PTPRK: variants seen among roughly 807,000 people sequenced by gnomAD.
The protein encoded by PTPRK is protein tyrosine phosphatase receptor type K, also known as receptor-type tyrosine-protein phosphatase kappa.
PTPRK carries 75 observed loss-of-function variants against 178.0 expected under a neutral mutation model. The observed-to-expected ratio is 0.42, with a 90% CI of 0.35 to 0.51. The LOEUF is 0.51. PTPRK is among the 20% of genes least tolerant of loss of function. The probability of loss-of-function intolerance (pLI) is 0.02; values close to 1 mark genes in which losing one functional copy is unlikely to be tolerated. For missense variants in PTPRK, 1,441 were observed against 1,797.8 expected, an observed-to-expected ratio of 0.80 and a Z score of 3.59; for synonymous variants, 637 against 620.6, an observed-to-expected ratio of 1.03 and a Z score of -0.39.
At chr6:128,468,507 C>T (rs530225896) in intron 1 of PTPRK, among the ~76,000 whole-genome samples, 1 of 152,124 alleles carries the variant, frequency 6.6e-6, no homozygotes, top group Non-Finnish European at 1.5e-5. Context: ...TTTGCCTCTA[C>T]TTGGACTTTT....
chr6:128,217,182 T>A (rs1809476967), intron 6 of PTPRK, among the ~76,000 whole-genome samples: 1 of 152,198 alleles, frequency 6.6e-6, no homozygotes, highest in South Asian at 2.1e-4. Flanking sequence ...CAAAGATGCA[T>A]GTGTGAACAT....
At chr6:128,348,812 A>G (rs1235095576) in intron 2 of PTPRK, among the ~76,000 whole-genome samples, 1 of 152,086 alleles carries the variant, frequency 6.6e-6, no homozygotes, top group Non-Finnish European at 1.5e-5. Context: ...TTGGAGGTGG[A>G]GTAAATCAAA....
At chr6:128,397,540 C>T in intron 2 of PTPRK, 26 bp downstream of exon 2, 2 of 1,612,910 alleles carry the variant, frequency 1.2e-6, no homozygotes, top group South Asian at 2.2e-5. Flanking sequence ...ATTCCCCCAA[C>T]ACTGACTAAA....
At chr6:128,412,508 A>G (rs1842418904) in intron 1 of PTPRK, among the ~76,000 whole-genome samples, 1 of 152,212 alleles carries the variant, frequency 6.6e-6, no homozygotes, top group Non-Finnish European at 1.5e-5. Context: ...TATGTACTGC[A>G]AGGGGAAGAG....
At position 128,200,728 on chromosome 6, in the gene PTPRK, A is replaced by G. The variant is rs552751777; in HGVS notation, c.869-16003T>C. ...CTGTCAAAAGTAAAATAAATAAATA[A>G]AAGTTTTCTAATGCTATTTTATCAA... On this transcript the variant is annotated intron_variant, in intron 6 of 29. Coordinates refer to ENST00000368226, the MANE Select transcript of PTPRK (RefSeq NM_002844.4). Among the ~76,000 whole-genome samples, 6 of 151,132 alleles carry G rather than the reference A, an allele frequency of 4.0e-5. No homozygotes were observed. The South Asian group carries it at 1.3e-3, about 32-fold the overall frequency.
At chr6:128,447,668 A>C (rs1441920920) in intron 1 of PTPRK, among the ~76,000 whole-genome samples, 1 of 150,010 alleles carries the variant, frequency 6.7e-6, no homozygotes, top group Non-Finnish European at 1.5e-5. Flanking sequence ...TCTGTCACCC[A>C]GGCTGGAGTG....
At chr6:128,325,308 C>A (rs1449680464) in intron 2 of PTPRK, among the ~76,000 whole-genome samples, 2 of 151,888 alleles carry the variant, frequency 1.3e-5, no homozygotes. Context: ...TGCAACAAAA[C>A]CCAAAATTGA....
chr6:128,104,414 G>T (rs1475977217), intron 7 of PTPRK, among the ~76,000 whole-genome samples: 1 of 152,134 alleles, frequency 6.6e-6, no homozygotes, highest in Non-Finnish European at 1.5e-5. Flanking sequence ...AGTAGAGACA[G>T]GGTTTCACTG....
At chr6:128,312,496 A>G (rs1827384142) in intron 3 of PTPRK, among the ~76,000 whole-genome samples, 2 of 152,044 alleles carry the variant, frequency 1.3e-5, no homozygotes, top group Admixed American at 1.3e-4. Context: ...CATTTTGGAG[A>G]TTGTTTTCTG....
chr6:128,363,745 A>C (rs1351602110), intron 2 of PTPRK, among the ~76,000 whole-genome samples: 1 of 152,190 alleles, frequency 6.6e-6, no homozygotes, highest in Non-Finnish European at 1.5e-5. Flanking sequence ...CTAAGTAAAA[A>C]TATTCTCAAA....
intron 7 of PTPRK, among the ~76,000 whole-genome samples, chr6:128,101,793 A>G (rs1187293420): frequency 6.6e-6 from 1 of 152,140 alleles, no homozygotes; most frequent in Admixed American, 6.5e-5. Flanking sequence ...ACCAAAACTA[A>G]TGTAGCACTG....
At chr6:128,176,514 T>A (rs1463487614) in intron 7 of PTPRK, among the ~76,000 whole-genome samples, 1 of 151,830 alleles carries the variant, frequency 6.6e-6, no homozygotes, top group Non-Finnish European at 1.5e-5. Context: ...TTTGCACAGA[T>A]CTTGCTTAGG....
chr6:128,492,195 T>C (rs1231345675), intron 1 of PTPRK, among the ~76,000 whole-genome samples: 3 of 152,174 alleles, frequency 2.0e-5, no homozygotes. Context: ...GCCCTTCACA[T>C]GCTGCCTTCT....
rs534210366 is a variant in PTPRK at position 128,468,881 on chromosome 6, T to G, written c.100+51378A>C. On this transcript the variant is annotated intron_variant, in intron 1 of 29. Coordinates refer to ENST00000368226, the MANE Select transcript of PTPRK (RefSeq NM_002844.4). The stretch of plus-strand genomic sequence containing the variant: ...CTCTGTACGAAATGAAAACACTGCC[T>G]CAAGCCAGGGAAATTCAATATACAC... Among the ~76,000 whole-genome samples, 6 of 129,948 alleles carry G rather than the reference T, an allele frequency of 4.6e-5. No homozygotes were observed. The South Asian group carries it at 1.4e-3, about 31-fold the overall frequency. 85.3% of individuals were successfully genotyped at this position (129,948 alleles called of 152,430 possible). A position where few individuals can be genotyped will look rare whatever the true frequency, so the allele number is the denominator to read the frequency against.
In PTPRK at chr6:128,125,602, CTTTTTTTTTTTT is replaced by C. The variant is rs869038931; in HGVS notation, c.1163-35622_1163-35611del. ...CTAATACACTTGCCTTTGGGCTTTT[CTTTTTTTTTTTT>C]TTTTTTTTTTTTTTCGATGAAGTCT... On this transcript the variant is annotated intron_variant, in intron 7 of 29. Coordinates refer to ENST00000368226, the MANE Select transcript of PTPRK (RefSeq NM_002844.4). Among the ~76,000 whole-genome samples, 11 of 68,380 alleles carry C rather than the reference CTTTTTTTTTTTT, an allele frequency of 1.6e-4. No individual in the cohort carries two copies. In the East Asian group the frequency reaches 2.0e-3, roughly 12 times the overall value. 44.9% of individuals were successfully genotyped at this position (68,380 alleles called of 152,430 possible).
At chr6:128,194,966 A>C (rs1804604575) in intron 6 of PTPRK, among the ~76,000 whole-genome samples, 1 of 152,190 alleles carries the variant, frequency 6.6e-6, no homozygotes, top group African/African-American at 2.4e-5. Flanking sequence ...AACCTACTGC[A>C]AAATCTCTAT....
intron 1 of PTPRK, among the ~76,000 whole-genome samples, chr6:128,504,833 T>C (rs1429712671): frequency 6.6e-6 from 1 of 152,164 alleles, no homozygotes; most frequent in Non-Finnish European, 1.5e-5. Flanking sequence ...GTTTTCATTA[T>C]AGAGATCTCC....
intron 3 of PTPRK, among the ~76,000 whole-genome samples, chr6:128,254,557 G>C (rs1816981935): frequency 6.6e-6 from 1 of 152,082 alleles, no homozygotes; most frequent in South Asian, 2.1e-4. Flanking sequence ...GACATTAAAA[G>C]TATATGGTTC....
intron 3 of PTPRK, among the ~76,000 whole-genome samples, chr6:128,289,578 A>T (rs1399861212): frequency 6.6e-6 from 1 of 152,118 alleles, no homozygotes; most frequent in Non-Finnish European, 1.5e-5. Context: ...AGAGCAATTG[A>T]TCCTGTGGGA....
Sources: gnomAD v4.1 joint callset for allele counts (sites outside exome capture counted in the v4.1 genomes callset) on GRCh38, gnomAD v4.1.1 for gene constraint, MANE v1.5 for transcripts, NCBI Gene and HGNC (gene_info 2026-07-23, HGNC 2026-07-21) for gene names.